CCND3: variants seen among roughly 807,000 people sequenced by gnomAD.
CCND3 encodes the protein cyclin D3.
In CCND3, 9 loss-of-function variants were observed where a neutral mutation model predicts 28.7. The ratio of observed to expected loss-of-function variants is 0.31; its 90% CI spans 0.19 to 0.55. The LOEUF is 0.55. Among genes scored for constraint, CCND3 ranks in the 20% least tolerant of loss-of-function variants. The pLI is 0.93. For synonymous variants in CCND3, 164 were observed against 163.9 expected (o/e 1.00, Z 0.00); for missense variants, 315 against 385.8 (o/e 0.82, Z 1.54).
intron 1 of CCND3, among the ~76,000 whole-genome samples, chr6:41,970,109 G>T (rs984997837): frequency 3.3e-5 from 5 of 152,118 alleles, no homozygotes; most frequent in Non-Finnish European, 5.9e-5. Flanking sequence ...GGGAGACCAA[G>T]GCGGGTGGAT....
intron 1 of CCND3, among the ~76,000 whole-genome samples, chr6:41,968,140 G>C (rs1053065713): frequency 6.6e-6 from 1 of 152,100 alleles, no homozygotes; most frequent in African/African-American, 2.4e-5. Flanking sequence ...ATAACATTTA[G>C]CTAACAGCAA....
chr6:41,956,878 A>G (rs912669508), intron 1 of CCND3, among the ~76,000 whole-genome samples: 4 of 152,074 alleles, frequency 2.6e-5, no homozygotes, highest in Non-Finnish European at 4.4e-5. Context: ...AATACAAAAA[A>G]AAATTAGCCG....
At chr6:42,036,413 T>TTG (rs1764221324) in intron 1 of CCND3, among the ~76,000 whole-genome samples, 5 of 108,418 alleles carry the variant, frequency 4.6e-5, no homozygotes, top group Non-Finnish European at 7.4e-5. Flanking sequence ...ATTTTTTTTT[T>TTG]TTTTTTTTTT....
At chr6:41,998,003 A>G (rs933362563) in intron 1 of CCND3, among the ~76,000 whole-genome samples, 1 of 151,678 alleles carries the variant, frequency 6.6e-6, no homozygotes, top group Admixed American at 6.6e-5. Context: ...AAAAATTACA[A>G]AAATTAGCCG....
At chr6:41,951,269 G>A (rs1200690705) in intron 1 of CCND3, among the ~76,000 whole-genome samples, 2 of 151,394 alleles carry the variant, frequency 1.3e-5, no homozygotes, top group African/African-American at 4.8e-5. Context: ...GATTAAGTGG[G>A]AGTAGGCCAG....
chr6:41,936,455 G>A lies in CCND3; in HGVS notation c.711+104C>T. 7.4e-7 allele frequency: 1 copy of A among 1,357,120 alleles called. No homozygotes were observed. The highest frequency in any genetic ancestry group is 1.3e-5 in the South Asian group (1 of 75,378). 84.1% of individuals were successfully genotyped at this position (1,357,120 alleles called of 1,614,324 possible). ...CAAAGCCCCAAGGTTGTGAAACCAG[G>A]ACTTGGGACCAGGTTGGGGTTGGAG... On this transcript the variant is annotated intron_variant, in intron 4 of 4. Transcript: ENST00000372991. This position sits in a 1 kb window ranked among gnomAD's most constrained non-coding sequence, Gnocchi z 4.4.
chr6:41,960,824 C>T (rs904647881), intron 1 of CCND3, among the ~76,000 whole-genome samples: 1 of 152,168 alleles, frequency 6.6e-6, no homozygotes, highest in Non-Finnish European at 1.5e-5. Context: ...CCTCAACGTC[C>T]AAGCAAAGCA....
rs202210338 is a variant in CCND3 at position 41,986,294 on chromosome 6, G to GT, written c.-45-45710dup. Among the ~76,000 whole-genome samples, 1,491 of 151,962 alleles carry GT rather than the reference G, an allele frequency of 9.8e-3. 26 individuals are homozygous for GT. The highest frequency in any genetic ancestry group is 0.034 in the African/African-American group (1,414 of 41,508). ...GTGGTTTCATATGAATTTCAGGATT[G>GT]TTTTTTCTATTTCTGTAAAAAATGT... On this transcript the variant is annotated intron_variant, in intron 1 of 4. Coordinates refer to the CCND3 transcript ENST00000372988.
chr6:42,007,618 T>G (rs1763213582), intron 1 of CCND3, among the ~76,000 whole-genome samples: 1 of 152,194 alleles, frequency 6.6e-6, no homozygotes, highest in Admixed American at 6.5e-5. Flanking sequence ...GAAAAAATGA[T>G]GCTGTGTCCA....
At chr6:42,049,709 A>G (rs1764673701), upstream of CCND3, 1 of 152,326 alleles carries the variant, frequency 6.6e-6, no homozygotes, top group Non-Finnish European at 1.5e-5. Context: ...ATAGACTTGG[A>G]CTAGGTGGTC....
At position 41,935,623 on chromosome 6, in the gene CCND3, G is replaced by A; in HGVS notation, c.*317C>T. ...ACATGAGAGCCCCCAGGGGTGGGGG[G>A]GGGCGTTCAAAAGGAATGCTGGTGT... On this transcript the variant is annotated 3_prime_UTR_variant, in exon 5 of 5. Coordinates refer to ENST00000372991, the MANE Select transcript of CCND3 (RefSeq NM_001760.5). 2.1e-6 allele frequency: 1 copy of A among 470,170 alleles called. No individual in the cohort carries two copies. The highest frequency in any genetic ancestry group is 3.1e-5 in the East Asian group (1 of 32,634). The allele number at this position is 470,170 out of a possible 1,614,324, so 29.1% of individuals were successfully genotyped here. A position where few individuals can be genotyped will look rare whatever the true frequency, so the allele number is the denominator to read the frequency against.
At chr6:42,031,620 A>T (rs13211412) in intron 1 of CCND3, among the ~76,000 whole-genome samples, 23,208 of 152,106 alleles carry the variant, frequency 0.15, 2,169 homozygotes, top group Non-Finnish European at 0.21. Context: ...AAAGCACTAG[A>T]AAAACAAAAC....
At chr6:42,006,919 A>C (rs1466783989) in intron 1 of CCND3, among the ~76,000 whole-genome samples, 1 of 152,050 alleles carries the variant, frequency 6.6e-6, no homozygotes, top group African/African-American at 2.4e-5. Context: ...AAAAAAAAAA[A>C]AGAAAAATTA....
At chr6:41,995,743 AAC>A (rs1762781382) in intron 1 of CCND3, among the ~76,000 whole-genome samples, 1 of 152,090 alleles carries the variant, frequency 6.6e-6, no homozygotes, top group African/African-American at 2.4e-5. Context: ...TTTATTCTAA[AAC>A]ACACGAGAGA....
intron 1 of CCND3, among the ~76,000 whole-genome samples, chr6:41,995,111 A>G (rs1734479061): frequency 6.6e-6 from 1 of 152,134 alleles, no homozygotes; most frequent in Admixed American, 6.6e-5. Context: ...AATAAAGTAT[A>G]TTAGTTAAAA....
chr6:41,994,875 C>G (rs995698198), intron 1 of CCND3, among the ~76,000 whole-genome samples: 2 of 151,976 alleles, frequency 1.3e-5, no homozygotes, highest in African/African-American at 2.4e-5. Flanking sequence ...AGTTCCAGAC[C>G]AGGCTGGCCA....
At chr6:41,979,271 C>A (rs376087524) in intron 1 of CCND3, among the ~76,000 whole-genome samples, 2 of 151,494 alleles carry the variant, frequency 1.3e-5, no homozygotes, top group Non-Finnish European at 2.9e-5. Context: ...CAGTGGCTCA[C>A]ACCTGTAATC....
intron 1 of CCND3, among the ~76,000 whole-genome samples, chr6:41,980,622 A>C (rs892422121): frequency 6.6e-6 from 1 of 152,242 alleles, no homozygotes; most frequent in African/African-American, 2.4e-5. Context: ...CACAGATACA[A>C]GAATCCTCAA....
intron 1 of CCND3, among the ~76,000 whole-genome samples, chr6:42,037,094 A>G (rs1764241808): frequency 6.6e-6 from 1 of 151,984 alleles, no homozygotes; most frequent in East Asian, 1.9e-4. Context: ...GCCCGCCACC[A>G]CACCTGGCTA....
Sources: allele counts gnomAD v4.1 joint callset (sites outside exome capture counted in the v4.1 genomes callset), GRCh38; gene constraint gnomAD v4.1.1; non-coding constraint Gnocchi (gnomAD v3.1); transcripts MANE v1.5; gene names NCBI Gene and HGNC (gene_info 2026-07-23, HGNC 2026-07-21).